Variants in TIAM1 observed in about 807,000 individuals in gnomAD.
TIAM1 encodes rho guanine nucleotide exchange factor TIAM1.
TIAM1 carries 65 observed loss-of-function variants against 163.5 expected under a neutral mutation model. That is an observed-to-expected ratio of 0.40 (90% CI 0.33 to 0.49). TIAM1 has a LOEUF of 0.49. TIAM1 is among the 20% of genes least tolerant of loss of function. The pLI, the probability that TIAM1 is intolerant of heterozygous loss-of-function variation, is 0.77. For missense variants in TIAM1, 1,789 were observed against 2,044.7 expected (o/e 0.87, Z 2.41); for synonymous variants, 833 against 810.1 (o/e 1.03, Z -0.48).
rs184922877 is a variant in TIAM1, at chr21:31,552,140, C to T, written c.-422+6787G>A. 2.3e-3 allele frequency among the ~76,000 whole-genome samples: 337 copies of T among 147,304 alleles called. 2 individuals are homozygous for T. Among genetic ancestry groups the T allele is most frequent in the Middle Eastern group, 3.5e-3 (1 of 282 alleles). The stretch of plus-strand genomic sequence containing the variant: ...TGGCGTGATCTCGGCTCACTGCAAC[C>T]TCCACCTCCCAGGTTCAAGCAATTC... On this transcript the variant is annotated intron_variant, in intron 1 of 28. Coordinates refer to the TIAM1 transcript ENST00000286827.
intron 1 of TIAM1, among the ~76,000 whole-genome samples, chr21:31,521,662 G>C (rs1022401406): frequency 6.6e-6 from 1 of 151,864 alleles, no homozygotes; most frequent in African/African-American, 2.4e-5. Context: ...GCTTGAGCCC[G>C]GGAGTTCAAG....
intron 1 of TIAM1, among the ~76,000 whole-genome samples, chr21:31,531,689 A>T (rs2047975441): frequency 6.6e-6 from 1 of 151,654 alleles, no homozygotes; most frequent in Non-Finnish European, 1.5e-5. Context: ...GCTTTTTTTT[A>T]CTCACCATTA....
chr21:31,228,230 A>ATT (rs2088128412), intron 6 of TIAM1, among the ~76,000 whole-genome samples: 1 of 28,184 alleles, frequency 3.5e-5, no homozygotes, highest in Non-Finnish European at 6.7e-5. Flanking sequence ...TAAAAAAAAA[A>ATT]AAAAAAAAAA....
At chr21:31,190,031 T>C (rs529468311) in intron 13 of TIAM1, among the ~76,000 whole-genome samples, 1 of 152,318 alleles carries the variant, frequency 6.6e-6, no homozygotes, top group South Asian at 2.1e-4. Flanking sequence ...TGGAAGGCTG[T>C]TAGCTTCAAA....
intron 12 of TIAM1, among the ~76,000 whole-genome samples, chr21:31,196,315 C>CTT (rs1246136925): frequency 1.3e-3 from 182 of 140,530 alleles, no homozygotes; most frequent in African/African-American, 3.9e-3. Flanking sequence ...TTTCTTTTTT[C>CTT]TTTTTTTTTT....
chr21:31,359,805 A>AAAGGAAGGAAGG (rs767750965), intron 2 of TIAM1, among the ~76,000 whole-genome samples: 1,710 of 90,658 alleles, frequency 0.019, 31 homozygotes, highest in East Asian at 0.067. Flanking sequence ...AAAGAAAGAA[A>AAAGGAAGGAAGG]AAGGAAGGAA....
chr21:31,554,284 C>A (rs1338472707), intron 1 of TIAM1, among the ~76,000 whole-genome samples: 1 of 152,152 alleles, frequency 6.6e-6, no homozygotes, highest in East Asian at 1.9e-4. Context: ...ATCTTTTTCC[C>A]AGCACAACTG....
At chr21:31,143,579 G>A (rs1201041263) in intron 20 of TIAM1, among the ~76,000 whole-genome samples, 3 of 151,602 alleles carry the variant, frequency 2.0e-5, no homozygotes, top group Non-Finnish European at 2.9e-5. Flanking sequence ...AAAGTTTAAT[G>A]ATATTTATAG....
intron 13 of TIAM1, among the ~76,000 whole-genome samples, chr21:31,193,623 G>A (rs550309489): frequency 6.6e-6 from 1 of 152,156 alleles, no homozygotes; most frequent in Non-Finnish European, 1.5e-5. Context: ...TGATACAGGA[G>A]TTAAGATGAA....
intron 13 of TIAM1, among the ~76,000 whole-genome samples, chr21:31,187,574 T>TCACATTACGAATCTGTAATGTGAATTA (rs1246211698): frequency 3.3e-5 from 5 of 152,160 alleles, no homozygotes; most frequent in Non-Finnish European, 5.9e-5. Context: ...AAGATGCAAC[T>TCACATTACGAATCTGTAATGTGAATTA]CACATTACGA....
intron 3 of TIAM1, among the ~76,000 whole-genome samples, chr21:31,270,705 T>C (rs2073016920): frequency 1.3e-5 from 2 of 152,224 alleles, no homozygotes; most frequent in Non-Finnish European, 2.9e-5. Context: ...CTTAAAACAC[T>C]ATGAGATTTT....
chr21:31,149,409 T>A (rs2083280208), intron 19 of TIAM1, among the ~76,000 whole-genome samples: 1 of 152,202 alleles, frequency 6.6e-6, no homozygotes, highest in South Asian at 2.1e-4. Context: ...AAGTTTCCAA[T>A]TTTAGAGCAG....
At chr21:31,231,327 A>G (rs558854347) in intron 6 of TIAM1, among the ~76,000 whole-genome samples, 1 of 152,298 alleles carries the variant, frequency 6.6e-6, no homozygotes, top group South Asian at 2.1e-4. Flanking sequence ...TTCCACTGCA[A>G]AACAGGGGAT....
chr21:31,414,416 G>C (rs1164505373), intron 2 of TIAM1, among the ~76,000 whole-genome samples: 1 of 152,188 alleles, frequency 6.6e-6, no homozygotes, highest in Non-Finnish European at 1.5e-5. Context: ...GATATGAAAA[G>C]CTCTCAGAAT....
chr21:31,210,791 A>AAAGGAAGG (rs1491198730), intron 10 of TIAM1, among the ~76,000 whole-genome samples: 7 of 148,354 alleles, frequency 4.7e-5, no homozygotes, highest in African/African-American at 1.8e-4. Flanking sequence ...AGAAAGAAAG[A>AAAGGAAGG]AAGAAAGAAA....
chr21:31,201,056 A>G (rs752612459), intron 12 of TIAM1, among the ~76,000 whole-genome samples: 5 of 152,212 alleles, frequency 3.3e-5, no homozygotes, highest in Non-Finnish European at 5.9e-5. Context: ...AATTTCAAAA[A>G]CTATGTCTGA....
intron 2 of TIAM1, among the ~76,000 whole-genome samples, chr21:31,337,265 G>T (rs2075871100): frequency 6.6e-6 from 1 of 152,056 alleles, no homozygotes; most frequent in Admixed American, 6.6e-5. Flanking sequence ...CTCAGCCTTG[G>T]CCTGGAATAT....
At chr21:31,201,958 G>A (rs886679307) in intron 12 of TIAM1, among the ~76,000 whole-genome samples, 10 of 152,102 alleles carry the variant, frequency 6.6e-5, no homozygotes, top group African/African-American at 2.4e-4. Context: ...TCTAATCTTT[G>A]TAAAATCCTA....
In TIAM1 at chr21:31,266,720, A is replaced by G; in HGVS notation, c.253T>C (p.Phe85Leu). The G allele has an allele frequency of 6.2e-7, 1 of 1,614,182 alleles. No individual in the cohort carries two copies. Among genetic ancestry groups the G allele is most frequent in the South Asian group, 1.1e-5 (1 of 91,088 alleles). The change falls in exon 4 of 28, where the codon TTC becomes CTC. Residue 85 changes from phenylalanine to leucine, a missense_variant. Phe to Leu is a conservative substitution (Grantham distance 22). Coordinates refer to ENST00000541036, the MANE Select transcript of TIAM1 (RefSeq NM_001353694.2). ...PFSQDGTLED[F>L]GSPIWVDRVD... is the part of the protein sequence containing the mutation. Reference sequence around the variant, plus strand: ...CGGTCCACCCAGATGGGGCTCCCGAAGTCTTCTAGGGTACCATCTTGGGAG... The same window carrying G: ...CGGTCCACCCAGATGGGGCTCCCGAGGTCTTCTAGGGTACCATCTTGGGAG...
Sources: gnomAD v4.1 joint callset for allele counts (sites outside exome capture counted in the v4.1 genomes callset) on GRCh38, gnomAD v4.1.1 for gene constraint, MANE v1.5 for transcripts, NCBI Gene and HGNC (gene_info 2026-07-23, HGNC 2026-07-21) for gene names.